PRAMEF11: variants seen among roughly 807,000 people sequenced by gnomAD.
PRAMEF11 encodes the protein PRAME family member 11.
PRAMEF11 carries 17 observed loss-of-function variants against 33.6 expected under a neutral mutation model. That is an observed-to-expected ratio of 0.51 (90% CI 0.35 to 0.76). The LOEUF is 0.76. PRAMEF11 is among the 30% of genes least tolerant of loss of function. The pLI is 0.01. For missense variants in PRAMEF11, 568 were observed against 567.0 expected, an observed-to-expected ratio of 1.00 and a Z score of -0.02; for synonymous variants, 205 against 227.3, an observed-to-expected ratio of 0.90 and a Z score of 0.88.
chr1:12,826,514 C>T (rs1335233710), intron 3 of PRAMEF11, among the ~76,000 whole-genome samples: 1 of 151,150 alleles, frequency 6.6e-6, no homozygotes, highest in African/African-American at 2.4e-5. Context: ...ATAATCCCAG[C>T]ACTTTGGGAG....
Position 12,827,323 on chromosome 1 carries a change from G to A in PRAMEF11, c.801C>T (p.Leu267=), listed in dbSNP as rs1401305826. ...EIVTQFTTQF[L]KLRCLQKLYM... is the part of the protein sequence containing the mutation. ...AAAGCTTTTGGAGGCAGCGCAGCTT[G>A]AGGAACTGAGTGGTGAACTGGGTAA... Residue 267 remains leucine, a synonymous_variant, in exon 3 of 4, where the codon CTC becomes CTT. Coordinates refer to ENST00000619922, the MANE Select transcript of PRAMEF11 (RefSeq NM_001146344.3). 1 of 1,598,548 alleles carries A rather than the reference G, an allele frequency of 6.3e-7. No individual in the cohort carries two copies. Among genetic ancestry groups the A allele is most frequent in the Non-Finnish European group, 8.5e-7 (1 of 1,178,640 alleles).
rs1343096257 is a variant in PRAMEF11 at position 12,829,733 on chromosome 1, T to G, written c.-16-928A>C. Reference sequence around the variant, plus strand: ...CTCATTATTGAAAATTTCAGTGAGATGCAGTGGTCTCCGCCTGTAGTCCAA... The same window carrying G: ...CTCATTATTGAAAATTTCAGTGAGAGGCAGTGGTCTCCGCCTGTAGTCCAA... On this transcript the variant is annotated intron_variant, in intron 1 of 3. Coordinates refer to ENST00000619922, the MANE Select transcript of PRAMEF11 (RefSeq NM_001146344.3). Among the ~76,000 whole-genome samples the G allele has an allele frequency of 8.0e-5, 12 of 150,610 alleles. 1 individual carries two copies. In the Admixed American group the frequency reaches 8.0e-4, roughly 10 times the overall value.
intron 3 of PRAMEF11, among the ~76,000 whole-genome samples, 185 bp downstream of exon 3, chr1:12,827,064 A>G (rs1194385782): frequency 2.0e-5 from 3 of 147,820 alleles, no homozygotes; most frequent in Non-Finnish European, 4.5e-5. Flanking sequence ...GATCCCTCTG[A>G]CTCTATTGGG....
chr1:12,824,983 T>C lies in PRAMEF11; in HGVS notation c.1396A>G (p.Arg466Gly), dbSNP rs1370008736. ...CTDNCPDHGD[R>G]SFYDLEADQY... ...TCTGCCTCCAGGTCATAAAATGACC[T>C]GTCGCCATGGTCAGGGCAGTTGTCA... is the stretch of plus-strand genomic sequence containing the variant. The change falls in exon 4 of 4, where the codon AGG becomes GGG. Residue 466 changes from arginine (R) to glycine (G), a missense_variant. Physicochemically the swap from Arg to Gly is moderately radical, Grantham distance 125. This residue lies in a region of PRAMEF11 where 174 missense variants were observed against 127.2 expected (regional missense o/e 1.37). Coordinates refer to ENST00000619922, the MANE Select transcript of PRAMEF11 (RefSeq NM_001146344.3). 2 of 1,609,648 alleles carry C rather than the reference T, an allele frequency of 1.2e-6. No homozygotes were observed. Among genetic ancestry groups the C allele is most frequent in the African/African-American group, 1.3e-5 (1 of 74,674 alleles).
chr1:12,830,577 G>A (rs1192663871), intron 1 of PRAMEF11, among the ~76,000 whole-genome samples: 1 of 150,960 alleles, frequency 6.6e-6, no homozygotes. Context: ...GTACAGGAGT[G>A]GTATGAGCAT....
chr1:12,827,861 T>G, intron 2 of PRAMEF11, 31 bp from the exon 3 acceptor site: 1 of 1,604,450 alleles, frequency 6.2e-7, no homozygotes, highest in Non-Finnish European at 8.5e-7. Flanking sequence ...GACTGAGAAT[T>G]TAAGAACTCA....
Position 12,828,170 on chromosome 1 carries a change from G to C in PRAMEF11, c.293+327C>G, listed in dbSNP as rs1557611299. 2.0e-5 allele frequency among the ~76,000 whole-genome samples: 3 copies of C among 147,364 alleles called. 1 individual carries two copies. Among genetic ancestry groups the C allele is most frequent in the South Asian group, 4.5e-4 (2 of 4,492 alleles). ...CCAGCTAATTTTAGTATTTTTAGTA[G>C]AGTTGGGGTTTACCATGTTGGACAG... On this transcript the variant is annotated intron_variant, in intron 2 of 3. Coordinates refer to ENST00000619922, the MANE Select transcript of PRAMEF11 (RefSeq NM_001146344.3).
At chr1:12,829,347 C>G (rs991130129) in intron 1 of PRAMEF11, among the ~76,000 whole-genome samples, 1 of 148,882 alleles carries the variant, frequency 6.7e-6, no homozygotes, top group Non-Finnish European at 1.5e-5. Context: ...TCCCTTCTTT[C>G]TTTCTTGTCT....
At chr1:12,828,944 G>A in intron 1 of PRAMEF11, 139 bp from the exon 2 acceptor site, 2 of 1,234,560 alleles carry the variant, frequency 1.6e-6, no homozygotes, top group East Asian at 4.7e-5. Context: ...TCTGTACTCA[G>A]TGGCCATTAA....
chr1:12,831,171 A>C (rs1403879919), intron 1 of PRAMEF11, among the ~76,000 whole-genome samples, 185 bp downstream of exon 1: 1 of 151,188 alleles, frequency 6.6e-6, no homozygotes, highest in Non-Finnish European at 1.5e-5. Context: ...CCAAAGCACA[A>C]TCAACTTTTT....
rs555028611 is a variant in PRAMEF11, at chr1:12,824,992, G to A, written c.1387C>T (p.His463Tyr). The A allele has an allele frequency of 5.6e-6, 9 of 1,609,762 alleles. No homozygotes were observed. The Admixed American group carries it at 1.2e-4, about 21-fold the overall frequency. ...ILFCTDNCPD[H>Y]GDRSFYDLEA... is the part of the protein sequence containing the mutation. Reference sequence around the variant, plus strand: ...AGGTCATAAAATGACCTGTCGCCATGGTCAGGGCAGTTGTCAGTACAGAAC... The same window carrying A: ...AGGTCATAAAATGACCTGTCGCCATAGTCAGGGCAGTTGTCAGTACAGAAC... The change falls in exon 4 of 4, where the codon CAT (histidine) becomes TAT (tyrosine). Residue 463 changes from histidine to tyrosine, a missense_variant. His to Tyr is a moderately conservative substitution (Grantham distance 83). This residue lies in a region of PRAMEF11 where 174 missense variants were observed against 127.2 expected (regional missense o/e 1.37). Transcript: ENST00000619922.
In PRAMEF11 at chr1:12,824,817, C is replaced by T; in HGVS notation, c.*125G>A. 11 of 1,439,412 alleles carry T rather than the reference C, an allele frequency of 7.6e-6. 1 individual carries two copies. The highest frequency in any genetic ancestry group is 1.0e-5 in the Non-Finnish European group (11 of 1,056,750). 89.2% of individuals were successfully genotyped at this position (1,439,412 alleles called of 1,614,324 possible). On this transcript the variant is annotated 3_prime_UTR_variant, in exon 4 of 4. Transcript: ENST00000619922. ...CTGCTTGATCAGCTTTCCTTTCCCA[C>T]TTTCAGAGCCCATGTGTGAAACGAT...
intron 1 of PRAMEF11, among the ~76,000 whole-genome samples, chr1:12,830,280 G>T (rs568521441): frequency 6.6e-6 from 1 of 151,370 alleles, no homozygotes; most frequent in South Asian, 2.1e-4. Context: ...GATCACCTAG[G>T]TGGCGTAATT....
intron 3 of PRAMEF11, among the ~76,000 whole-genome samples, chr1:12,825,985 G>A (rs1341372856): frequency 4.9e-5 from 7 of 141,896 alleles, no homozygotes; most frequent in Admixed American, 1.4e-4. Flanking sequence ...AAAAAAAAAA[G>A]GAGAAAAAAT....
intron 1 of PRAMEF11, among the ~76,000 whole-genome samples, 159 bp from the exon 2 acceptor site, chr1:12,828,964 C>G (rs2076066): frequency 6.6e-6 from 1 of 151,908 alleles, no homozygotes; most frequent in African/African-American, 2.4e-5. Context: ...AGCCAGCATT[C>G]TGCCTCTGCT....
At position 12,827,528 on chromosome 1, in the gene PRAMEF11, C is replaced by T. The variant is rs201504745; in HGVS notation, c.596G>A (p.Ser199Asn). The T allele has an allele frequency of 1.6e-5, 25 of 1,610,572 alleles. 3 individuals are homozygous for T. The East Asian group carries it at 1.6e-4, about 10-fold the overall frequency. Residue 199 changes from serine to asparagine, a missense_variant, in exon 3 of 4, where the codon AGC becomes AAC. This residue lies in a region of PRAMEF11 where 342 missense variants were observed against 312.0 expected (regional missense o/e 1.10). Coordinates refer to ENST00000619922, the MANE Select transcript of PRAMEF11 (RefSeq NM_001146344.3). ...ILGMPFRNIR[S>N]ILKMVNLDCI... ...GTCTAGGTTCACCATTTTCAGGATG[C>T]TTCTGATATTGCGGAAGGGCATTCC...
In PRAMEF11 at chr1:12,827,774, A is replaced by G. The variant is rs1240314637; in HGVS notation, c.350T>C (p.Val117Ala). The G allele has an allele frequency of 6.2e-7, 1 of 1,608,944 alleles. No individual in the cohort carries two copies. The highest frequency in any genetic ancestry group is 8.5e-7 in the Non-Finnish European group (1 of 1,178,288). ...LQDVCENFWM[V>A]WSEAMAHGCF... ...CCCATGGGCCATAGCTTCAGACCAAACCATCCAGAAGTTCTCACAGACATC... is the reference window on the plus strand; with the variant it reads ...CCCATGGGCCATAGCTTCAGACCAAGCCATCCAGAAGTTCTCACAGACATC... The change falls in exon 3 of 4, where the codon GTT becomes GCT. Residue 117 changes from valine to alanine, a missense_variant. Physicochemically the swap from Val to Ala is moderately conservative, Grantham distance 64 (BLOSUM62 0). Coordinates refer to ENST00000619922, the MANE Select transcript of PRAMEF11 (RefSeq NM_001146344.3).
chr1:12,826,485 G>T (rs1219927258), intron 3 of PRAMEF11, among the ~76,000 whole-genome samples: 1 of 151,168 alleles, frequency 6.6e-6, no homozygotes, highest in South Asian at 2.1e-4. Flanking sequence ...TTGTTGGCTG[G>T]GCGTGGTAGC....
rs1352520173 is a variant in PRAMEF11, at chr1:12,827,423, C to A, written c.701G>T (p.Arg234Met). ...TQFTPYLGHL[R>M]NLQKLVLSHM... ...GGAGAGAACGAGCTTCTGAAGATTCCTCAAGTGGCCCAGGTATGGGGTAAA... is the reference window on the plus strand; with the variant it reads ...GGAGAGAACGAGCTTCTGAAGATTCATCAAGTGGCCCAGGTATGGGGTAAA... The change falls in exon 3 of 4, where the codon AGG (arginine) becomes ATG (methionine). Residue 234 changes from arginine to methionine, a missense_variant. Physicochemically the swap from Arg to Met is moderately conservative, Grantham distance 91. Around this residue, in one of 3 missense-constraint regions of PRAMEF11, gnomAD observed 342 missense variants for 312.0 expected, o/e 1.10. Coordinates refer to ENST00000619922, the MANE Select transcript of PRAMEF11 (RefSeq NM_001146344.3). The A allele has an allele frequency of 6.2e-7, 1 of 1,607,476 alleles. No homozygotes were observed. Among genetic ancestry groups the A allele is most frequent in the African/African-American group, 1.3e-5 (1 of 74,806 alleles).
Sources: allele counts gnomAD v4.1 joint callset (sites outside exome capture counted in the v4.1 genomes callset), GRCh38; gene constraint gnomAD v4.1.1; regional missense constraint gnomAD v4.1.1; transcripts MANE v1.5; gene names NCBI Gene and HGNC (gene_info 2026-07-23, HGNC 2026-07-21).